Variants in KIF26B observed in about 807,000 individuals in gnomAD.
KIF26B encodes the protein kinesin-like protein KIF26B.
In KIF26B, 63 loss-of-function variants were observed where a neutral mutation model predicts 151.2. The observed-to-expected ratio is 0.42, with a 90% CI of 0.34 to 0.51. The LOEUF (loss-of-function observed/expected upper bound fraction) is 0.51. Ranked by LOEUF, KIF26B falls within the 20% of genes least tolerant of loss-of-function variation. The pLI is 0.07. For missense variants in KIF26B, 2,813 were observed against 2,913.6 expected (o/e 0.97, Z 0.79); for synonymous variants, 1,357 against 1,262.1 (o/e 1.08, Z -1.59).
chr1:245,617,907 G>T lies in KIF26B; in HGVS notation c.2098+5931G>T, dbSNP rs367756827. ...GTCCCTTTACCTCAGTTTCCCCCCT[G>T]CTCCTTCCCACAGGCCTGCTGCTCC... On this transcript the variant is annotated intron_variant, in intron 9 of 14. Transcript: ENST00000407071. 5.3e-5 allele frequency among the ~76,000 whole-genome samples: 8 copies of T among 152,106 alleles called. No individual in the cohort carries two copies. The East Asian group carries it at 1.2e-3, about 22-fold the overall frequency.
At chr1:245,696,139 G>A (rs1293616981) in intron 12 of KIF26B, among the ~76,000 whole-genome samples, 14 of 152,250 alleles carry the variant, frequency 9.2e-5, no homozygotes, top group Non-Finnish European at 1.5e-5. Flanking sequence ...ATTTACCAGA[G>A]TTGGTCTCTG....
At chr1:245,690,303 C>A (rs2044607703) in intron 12 of KIF26B, among the ~76,000 whole-genome samples, 1 of 152,238 alleles carries the variant, frequency 6.6e-6, no homozygotes, top group African/African-American at 2.4e-5. Context: ...CCCTTCTGTG[C>A]AACACTAGGC....
chr1:245,346,910 G>T (rs143096933), intron 2 of KIF26B, among the ~76,000 whole-genome samples: 36 of 152,020 alleles, frequency 2.4e-4, no homozygotes, highest in African/African-American at 7.5e-4. Context: ...GTCTCTCATT[G>T]TCTAGTTTGG....
intron 5 of KIF26B, among the ~76,000 whole-genome samples, chr1:245,575,915 T>C (rs923805467): frequency 5.3e-5 from 8 of 152,124 alleles, no homozygotes; most frequent in African/African-American, 1.9e-4. Flanking sequence ...TGGCATTTAC[T>C]TAAGACATTT....
At chr1:245,356,064 G>C (rs2103003329) in intron 2 of KIF26B, among the ~76,000 whole-genome samples, 2 of 152,224 alleles carry the variant, frequency 1.3e-5, no homozygotes, top group Non-Finnish European at 2.9e-5. Flanking sequence ...GAGGGGACCT[G>C]GAAACCTGCC....
chr1:245,185,608 T>C (rs1443213964), intron 2 of KIF26B, among the ~76,000 whole-genome samples: 8 of 152,374 alleles, frequency 5.3e-5, no homozygotes, highest in Admixed American at 3.9e-4. Context: ...ACACTCCAAC[T>C]GTGTGTCACA....
intron 5 of KIF26B, among the ~76,000 whole-genome samples, chr1:245,569,266 A>G (rs997391011): frequency 3.9e-5 from 6 of 152,190 alleles, no homozygotes; most frequent in Non-Finnish European, 8.8e-5. Context: ...GCCTTAAGAA[A>G]AAGTTCCCCT....
chr1:245,439,973 G>A (rs942254901), intron 4 of KIF26B, among the ~76,000 whole-genome samples: 19 of 152,210 alleles, frequency 1.2e-4, no homozygotes, highest in African/African-American at 4.3e-4. Context: ...TGTAATCCCA[G>A]CACTTGGGGA....
At position 245,309,218 on chromosome 1, in the gene KIF26B, G is replaced by A. The variant is rs76927927; in HGVS notation, c.466-57616G>A. ...TGCCAATAATGCTGTCAATGACGTT[G>A]TGATGGTTAATTTTCTGTGTCAACT... On this transcript the variant is annotated intron_variant, in intron 2 of 14. Coordinates refer to ENST00000407071, the MANE Select transcript of KIF26B (RefSeq NM_018012.4). Among the ~76,000 whole-genome samples the A allele has an allele frequency of 8.3e-3, 1,271 of 152,298 alleles. 19 individuals are homozygous for A. The highest frequency in any genetic ancestry group is 0.028 in the African/African-American group (1,179 of 41,542).
chr1:245,163,972 C>G (rs1376345399), intron 2 of KIF26B, among the ~76,000 whole-genome samples: 1 of 152,082 alleles, frequency 6.6e-6, no homozygotes, highest in Admixed American at 6.5e-5. Flanking sequence ...TTTTATGCCT[C>G]TAAGTGTTTT....
At chr1:245,635,078 A>G (rs937875944) in intron 9 of KIF26B, among the ~76,000 whole-genome samples, 1 of 137,230 alleles carries the variant, frequency 7.3e-6, no homozygotes, top group African/African-American at 2.7e-5. Flanking sequence ...CATGAGGGAT[A>G]TTGTTCTGCA....
In KIF26B at chr1:245,686,168, C is replaced by T. The variant is rs1324239645; in HGVS notation, c.3185C>T (p.Pro1062Leu). 2 of 1,612,548 alleles carry T rather than the reference C, an allele frequency of 1.2e-6. No homozygotes were observed. The highest frequency in any genetic ancestry group is 4.5e-5 in the East Asian group (2 of 44,848). ...GGCTTCGTGGAAGGCAAGCCCAGGCCCATGGGCTCCCCCCGGCTGGGCATC... is the reference window on the plus strand; with the variant it reads ...GGCTTCGTGGAAGGCAAGCCCAGGCTCATGGGCTCCCCCCGGCTGGGCATC... ...SCGFVEGKPR[P>L]MGSPRLGIAS... Residue 1062 changes from proline (P) to leucine (L), a missense_variant, in exon 12 of 15, where the codon CCC becomes CTC. Pro to Leu is a moderately conservative substitution (Grantham distance 98). Around this residue, in one of 3 missense-constraint regions of KIF26B, gnomAD observed 2,060 missense variants for 2,088.6 expected, o/e 0.99. Transcript: ENST00000407071. This position sits in a 1 kb window ranked among gnomAD's most constrained non-coding sequence, Gnocchi z 5.6.
chr1:245,453,064 C>T (rs60656155), intron 4 of KIF26B, among the ~76,000 whole-genome samples: 35,880 of 151,958 alleles, frequency 0.24, 4,381 homozygotes, highest in East Asian at 0.31. Context: ...AGTTATAGCT[C>T]TCATATTTGG....
chr1:245,577,662 T>G (rs970613754), intron 5 of KIF26B, among the ~76,000 whole-genome samples: 1 of 143,604 alleles, frequency 7.0e-6, no homozygotes, highest in African/African-American at 2.7e-5. Flanking sequence ...AGGCGATGCA[T>G]CTCCTCACCG....
chr1:245,444,903 A>C (rs1010618753), intron 4 of KIF26B, among the ~76,000 whole-genome samples: 2 of 152,210 alleles, frequency 1.3e-5, no homozygotes, highest in African/African-American at 4.8e-5. Context: ...CGTGTAAAAA[A>C]AATTATATAG....
At chr1:245,430,456 G>C (rs1658749672) in intron 4 of KIF26B, among the ~76,000 whole-genome samples, 1 of 152,072 alleles carries the variant, frequency 6.6e-6, no homozygotes, top group South Asian at 2.1e-4. Flanking sequence ...CTTGAGGCCA[G>C]GAGTTCAAGA....
chr1:245,609,161 C>A (rs929230833), intron 7 of KIF26B, 105 bp from the exon 8 acceptor site: 1 of 1,079,880 alleles, frequency 9.3e-7, no homozygotes, highest in Admixed American at 3.2e-5. Flanking sequence ...CCTTTTCCCC[C>A]CTTCCCTGTG....
At chr1:245,557,792 T>C (rs574669267) in intron 5 of KIF26B, among the ~76,000 whole-genome samples, 1 of 151,670 alleles carries the variant, frequency 6.6e-6, no homozygotes, top group African/African-American at 2.4e-5. Flanking sequence ...TGGCTAAAGG[T>C]CCAAACTGAG....
chr1:245,696,118 T>C (rs948422700), intron 12 of KIF26B, among the ~76,000 whole-genome samples: 1 of 152,240 alleles, frequency 6.6e-6, no homozygotes, highest in Non-Finnish European at 1.5e-5. Context: ...CCTTGTGTAG[T>C]CCCCTCCCGT....
Sources: allele counts gnomAD v4.1 joint callset (sites outside exome capture counted in the v4.1 genomes callset), GRCh38; gene constraint gnomAD v4.1.1; regional missense constraint gnomAD v4.1.1; non-coding constraint Gnocchi (gnomAD v3.1); transcripts MANE v1.5; gene names NCBI Gene and HGNC (gene_info 2026-07-23, HGNC 2026-07-21).